Variants in FBP1 observed in about 807,000 individuals in gnomAD.
FBP1 encodes the protein fructose-1,6-bisphosphatase 1.
In FBP1, 22 loss-of-function variants were observed where a neutral mutation model predicts 29.9. The ratio of observed to expected loss-of-function variants is 0.74; its 90% CI spans 0.53 to 1.05. The LOEUF (loss-of-function observed/expected upper bound fraction) is 1.05. FBP1 is among the 50% of genes least tolerant of loss of function. The pLI is 0.00. For synonymous variants in FBP1, 175 were observed against 178.6 expected (o/e 0.98, Z 0.16); for missense variants, 345 against 448.2 (o/e 0.77, Z 2.08).
At chr9:94,607,972 C>T (rs1587853996) in intron 4 of FBP1, among the ~76,000 whole-genome samples, 1 of 152,142 alleles carries the variant, frequency 6.6e-6, no homozygotes, top group Middle Eastern at 3.4e-3. Flanking sequence ...TTTTTGACCA[C>T]AAGTATACCG....
chr9:94,615,259 G>A (rs1042081363), intron 3 of FBP1, among the ~76,000 whole-genome samples: 1 of 152,098 alleles, frequency 6.6e-6, no homozygotes, highest in African/African-American at 2.4e-5. Context: ...GAAGACAGCC[G>A]AGCCTTATTG....
chr9:94,627,065 G>A (rs1425428372), intron 1 of FBP1, among the ~76,000 whole-genome samples: 7 of 152,040 alleles, frequency 4.6e-5, no homozygotes, highest in African/African-American at 1.7e-4. Flanking sequence ...GCATGTGCCT[G>A]TAATCCCAGC....
Position 94,613,945 on chromosome 9 carries a change from G to A in FBP1, c.426+3823C>T, listed in dbSNP as rs868859084. ...ATACAAAAAAAATTAGCCAAGCGTG[G>A]TGGCGGGCGCCTGTAGTCCCAGCTA... On this transcript the variant is annotated intron_variant, in intron 3 of 6. Transcript: ENST00000375326. Among the ~76,000 whole-genome samples, 93 of 150,720 alleles carry A rather than the reference G, an allele frequency of 6.2e-4. 1 individual carries two copies. The highest frequency in any genetic ancestry group is 2.0e-3 in the African/African-American group (83 of 40,992).
chr9:94,635,630 T>C (rs1010760278), intron 1 of FBP1, among the ~76,000 whole-genome samples: 1 of 152,244 alleles, frequency 6.6e-6, no homozygotes, highest in African/African-American at 2.4e-5. Flanking sequence ...TCATGCTACC[T>C]GCCTGATGAC....
intron 4 of FBP1, 26 bp downstream of exon 4, chr9:94,609,895 C>T: frequency 6.2e-7 from 1 of 1,613,674 alleles, no homozygotes. Flanking sequence ...CCAGCCAAGC[C>T]CCCAGCCTCC....
intron 1 of FBP1, among the ~76,000 whole-genome samples, chr9:94,638,561 T>C (rs982986254): frequency 6.6e-6 from 1 of 150,636 alleles, no homozygotes; most frequent in Non-Finnish European, 1.5e-5. Context: ...CGGGAGCTCC[T>C]TTGCACACAA....
intron 1 of FBP1, among the ~76,000 whole-genome samples, chr9:94,636,316 C>T (rs1828189524): frequency 6.6e-6 from 1 of 151,754 alleles, no homozygotes; most frequent in South Asian, 2.1e-4. Context: ...CCCATCTCTA[C>T]AAAAACACAA....
Position 94,620,502 on chromosome 9 carries a change from C to A in FBP1, c.171-11G>T, listed in dbSNP as rs202042013. 1.2e-6 allele frequency: 2 copies of A among 1,613,406 alleles called. No homozygotes were observed. Among genetic ancestry groups the A allele is most frequent in the Admixed American group, 3.3e-5 (2 of 59,876 alleles). ...CCAGCAATGCCATAGCTACAGGGAA[C>A]AAAAGCCACAAAAAATAAGCCATGA... is the stretch of plus-strand genomic sequence containing the variant. On this transcript the variant is annotated splice_polypyrimidine_tract_variant and intron_variant, in intron 1 of 6. Coordinates refer to ENST00000375326, the MANE Select transcript of FBP1 (RefSeq NM_000507.4).
chr9:94,633,900 G>A (rs373426973), intron 1 of FBP1, among the ~76,000 whole-genome samples: 25 of 151,398 alleles, frequency 1.7e-4, no homozygotes, highest in East Asian at 8.0e-4. Flanking sequence ...TAGAGACGGG[G>A]TTTCACCGTG....
At position 94,625,769 on chromosome 9, in the gene FBP1, TG is replaced by T. The variant is rs1165967607; in HGVS notation, c.171-5279del. Among the ~76,000 whole-genome samples the T allele has an allele frequency of 3.3e-5, 5 of 151,876 alleles. No individual in the cohort carries two copies. In the South Asian group the frequency reaches 8.3e-4, roughly 25 times the overall value. ...CAGATGGCGCCCCTGCGCTCCAGCC[TG>T]GGCGACAGAGCGAGACTCCGTCAAA... is the stretch of plus-strand genomic sequence containing the variant. On this transcript the variant is annotated intron_variant, in intron 1 of 6. Transcript: ENST00000375326.
chr9:94,621,518 T>C (rs994637402), intron 1 of FBP1, among the ~76,000 whole-genome samples: 2 of 152,152 alleles, frequency 1.3e-5, no homozygotes, highest in Admixed American at 1.3e-4. Flanking sequence ...CTCGAACCTG[T>C]CATGGTGCCC....
At chr9:94,605,672 C>T in intron 5 of FBP1, 96 bp from the exon 6 acceptor site, 1 of 1,206,522 alleles carries the variant, frequency 8.3e-7, no homozygotes, top group Non-Finnish European at 1.2e-6. Flanking sequence ...CATCCATTCA[C>T]CGAGCACCTA....
intron 1 of FBP1, among the ~76,000 whole-genome samples, chr9:94,637,594 T>A (rs1165799106): frequency 6.6e-6 from 1 of 151,950 alleles, no homozygotes; most frequent in African/African-American, 2.4e-5. Context: ...TTTCACCATG[T>A]TGATCAGGTT....
At chr9:94,634,674 G>C (rs887993562) in intron 1 of FBP1, among the ~76,000 whole-genome samples, 3 of 152,202 alleles carry the variant, frequency 2.0e-5, no homozygotes, top group African/African-American at 7.2e-5. Context: ...TGGATGGAGG[G>C]AGCCAGAAGC....
intron 1 of FBP1, among the ~76,000 whole-genome samples, chr9:94,629,378 T>C (rs1417100823): frequency 6.6e-6 from 1 of 152,098 alleles, no homozygotes; most frequent in Non-Finnish European, 1.5e-5. Context: ...CAGCTGTTGA[T>C]ATGGGGGCGC....
At chr9:94,618,455 TAAAAAAAAAAAAAAAAAAAAAA>T (rs59806476) in intron 2 of FBP1, among the ~76,000 whole-genome samples, 1 of 74,592 alleles carries the variant, frequency 1.3e-5, no homozygotes, top group Admixed American at 2.1e-4. Flanking sequence ...ACTCCTTCTG[TAAAAAAAAAAAAAAAAAAAAAA>T]AAAAAAAAAA....
At chr9:94,604,070 G>A (rs1481598098) in intron 6 of FBP1, 2 of 206,116 alleles carry the variant, frequency 9.7e-6, no homozygotes, top group East Asian at 1.1e-4. Context: ...ACGATTCTCC[G>A]AAGGCTTTTG....
At chr9:94,635,985 G>A (rs1484467476) in intron 1 of FBP1, among the ~76,000 whole-genome samples, 1 of 152,176 alleles carries the variant, frequency 6.6e-6, no homozygotes, top group Non-Finnish European at 1.5e-5. Flanking sequence ...ATGTAAATAT[G>A]TGTTCATGTG....
At chr9:94,630,035 G>A (rs538688881) in intron 1 of FBP1, among the ~76,000 whole-genome samples, 7 of 152,174 alleles carry the variant, frequency 4.6e-5, no homozygotes, top group Non-Finnish European at 1.0e-4. Context: ...CCAGGTAAAT[G>A]CCGAGTGTAT....
Sources: allele counts gnomAD v4.1 joint callset (sites outside exome capture counted in the v4.1 genomes callset), GRCh38; gene constraint gnomAD v4.1.1; transcripts MANE v1.5; gene names NCBI Gene and HGNC (gene_info 2026-07-23, HGNC 2026-07-21).